Variants in BLTP3B observed in about 807,000 individuals in gnomAD.
BLTP3B encodes the protein UHRF1 (ICBP90) binding protein 1-like.
At chr12:100,086,074 T>C in the BLTP3B span, among the ~76,000 whole-genome samples, 3 of 152,150 alleles carry the variant, frequency 2.0e-5, no homozygotes, top group East Asian at 1.9e-4. Context: ...TCTAAAAATC[T>C]ATATAAATGT....
chr12:100,060,558 T>A, the BLTP3B span, among the ~76,000 whole-genome samples: 1 of 152,186 alleles, frequency 6.6e-6, no homozygotes, highest in Non-Finnish European at 1.5e-5. Context: ...CAGGTTCTCC[T>A]TGAAAGGAGG....
At chr12:100,088,770 G>A in the BLTP3B span, 1 of 572,804 alleles carries the variant, frequency 1.7e-6, no homozygotes, top group Non-Finnish European at 2.7e-6. Flanking sequence ...GCTTCCAGTT[G>A]TGCCTTTCAT....
the BLTP3B span, chr12:100,097,488 T>G: frequency 1.9e-6 from 3 of 1,611,514 alleles, no homozygotes; most frequent in Non-Finnish European, 2.5e-6. Context: ...GCCAATTTAT[T>G]TCTTTAAAAG....
the BLTP3B span, among the ~76,000 whole-genome samples, chr12:100,125,011 T>C: frequency 7.4e-6 from 1 of 135,494 alleles, no homozygotes; most frequent in African/African-American, 2.6e-5. Context: ...CATATATATA[T>C]ATATATGGGT....
the BLTP3B span, among the ~76,000 whole-genome samples, chr12:100,119,707 G>C: frequency 2.0e-5 from 3 of 151,768 alleles, no homozygotes; most frequent in Admixed American, 6.6e-5. Flanking sequence ...TTTAAGAAGT[G>C]GTACCAGAAT....
chr12:100,133,808 C>T, the BLTP3B span, among the ~76,000 whole-genome samples: 1 of 152,154 alleles, frequency 6.6e-6, no homozygotes, highest in Non-Finnish European at 1.5e-5. Flanking sequence ...TACAGTAGTC[C>T]TCCCTTACCC....
the BLTP3B span, among the ~76,000 whole-genome samples, chr12:100,042,393 A>G: frequency 6.6e-6 from 1 of 152,142 alleles, no homozygotes; most frequent in African/African-American, 2.4e-5. Flanking sequence ...CTCTAAAGGA[A>G]GTTGGTAATC....
At chr12:100,136,025 A>G in the BLTP3B span, among the ~76,000 whole-genome samples, 1 of 152,154 alleles carries the variant, frequency 6.6e-6, no homozygotes, top group Non-Finnish European at 1.5e-5. Flanking sequence ...AGCCTGGCCA[A>G]CATGGTGAAA....
chr12:100,124,971 TATATA>T, the BLTP3B span, among the ~76,000 whole-genome samples: 1 of 108,234 alleles, frequency 9.2e-6, no homozygotes, highest in African/African-American at 4.4e-5. Flanking sequence ...TATATATATA[TATATA>T]TATTTATATT....
the BLTP3B span, among the ~76,000 whole-genome samples, chr12:100,060,889 G>A: frequency 6.6e-6 from 1 of 152,198 alleles, no homozygotes; most frequent in Non-Finnish European, 1.5e-5. Flanking sequence ...AAAGGTGTGA[G>A]ATACCAGTGG....
the BLTP3B span, among the ~76,000 whole-genome samples, chr12:100,064,906 A>C: frequency 1.3e-5 from 2 of 152,048 alleles, no homozygotes; most frequent in Non-Finnish European, 1.5e-5. Context: ...TAAAAAAAAA[A>C]AACAAGGTAT....
At chr12:100,132,809 G>A in the BLTP3B span, among the ~76,000 whole-genome samples, 5 of 152,120 alleles carry the variant, frequency 3.3e-5, no homozygotes, top group East Asian at 5.8e-4. Flanking sequence ...TTAGCCAGGC[G>A]TGGTGGCACA....
At chr12:100,134,557 C>T in the BLTP3B span, among the ~76,000 whole-genome samples, 1 of 151,642 alleles carries the variant, frequency 6.6e-6, no homozygotes, top group Non-Finnish European at 1.5e-5. Context: ...GCAGGGGTTG[C>T]AGTGAGCTGA....
the BLTP3B span, chr12:100,058,059 A>C: frequency 6.3e-7 from 1 of 1,580,952 alleles, no homozygotes; most frequent in African/African-American, 1.4e-5. Context: ...AAGTGTTCTA[A>C]CTGGGGGGGT....
At chr12:100,124,936 TTATATATATATATATATATATATA>T in the BLTP3B span, among the ~76,000 whole-genome samples, 104 of 56,536 alleles carry the variant, frequency 1.8e-3, 2 homozygotes, top group East Asian at 0.013. Context: ...AAAAAAAATT[TTATATATATATATATATATATATA>T]TATATATATA....
At chr12:100,117,943 G>A in the BLTP3B span, among the ~76,000 whole-genome samples, 1 of 152,100 alleles carries the variant, frequency 6.6e-6, no homozygotes, top group Admixed American at 6.6e-5. Context: ...TAAAATCACA[G>A]ATTTATCGTG....
chr12:100,058,802 C>T, the BLTP3B span: 1 of 1,613,920 alleles, frequency 6.2e-7, no homozygotes, highest in Non-Finnish European at 8.5e-7. Flanking sequence ...AAAGTAGAAG[C>T]AGATACTGGT....
chr12:100,098,668 G>A, the BLTP3B span: 736 of 929,448 alleles, frequency 7.9e-4, 1 homozygote, highest in African/African-American at 0.011. Context: ...TTGGGAGGCT[G>A]AGGCAGGCAG....
At chr12:100,098,749 A>AC in the BLTP3B span, among the ~76,000 whole-genome samples, 6 of 151,586 alleles carry the variant, frequency 4.0e-5, no homozygotes, top group Non-Finnish European at 5.9e-5. Context: ...TAAAAAAAAA[A>AC]ACACAAAAAA....
Sources: gnomAD v4.1 joint callset for allele counts (sites outside exome capture counted in the v4.1 genomes callset) on GRCh38, gnomAD v4.1.1 for gene constraint, MANE v1.5 for transcripts, NCBI Gene and HGNC (gene_info 2026-07-23, HGNC 2026-07-21) for gene names.